LRP1B: variants seen among roughly 807,000 people sequenced by gnomAD.
The protein encoded by LRP1B is low-density lipoprotein receptor-related protein 1B.
In LRP1B, 217 loss-of-function variants were observed where a neutral mutation model predicts 556.6. The ratio of observed to expected loss-of-function variants is 0.39; its 90% confidence interval spans 0.35 to 0.44. The LOEUF is 0.44. LRP1B is among the 20% of genes least tolerant of loss of function. LRP1B has a pLI of 1.00. For missense variants in LRP1B, 5,053 were observed against 5,620.8 expected, an observed-to-expected ratio of 0.90 and a Z score of 3.23; for synonymous variants, 2,047 against 1,865.8, an observed-to-expected ratio of 1.10 and a Z score of -2.50.
At chr2:141,233,137 G>C (rs980593814) in intron 5 of LRP1B, among the ~76,000 whole-genome samples, 37 of 152,152 alleles carry the variant, frequency 2.4e-4, no homozygotes, top group African/African-American at 8.7e-4. Context: ...AAGAACACTT[G>C]AAAAGCACAT....
At chr2:141,841,846 G>C (rs1697487484) in intron 1 of LRP1B, among the ~76,000 whole-genome samples, 1 of 152,082 alleles carries the variant, frequency 6.6e-6, no homozygotes, top group East Asian at 1.9e-4. Flanking sequence ...ACTGTGTTAA[G>C]ATAAAAAGCC....
At chr2:140,743,139 A>G (rs1205797218) in intron 35 of LRP1B, among the ~76,000 whole-genome samples, 2 of 152,222 alleles carry the variant, frequency 1.3e-5, no homozygotes, top group African/African-American at 2.4e-5. Context: ...TAAACTAATG[A>G]ACAAATTCCT....
chr2:141,722,799 G>A (rs188887319), intron 2 of LRP1B, among the ~76,000 whole-genome samples: 53 of 151,774 alleles, frequency 3.5e-4, no homozygotes, highest in Non-Finnish European at 6.9e-4. Context: ...ACCTGTACAG[G>A]AATATGGTTC....
chr2:140,528,141 G>A (rs147758580), intron 47 of LRP1B, among the ~76,000 whole-genome samples: 27 of 151,996 alleles, frequency 1.8e-4, no homozygotes, highest in African/African-American at 6.3e-4. Flanking sequence ...GGAGGCAAAT[G>A]TAGGGAATGG....
chr2:140,391,867 A>ATTCAT (rs1684037388), intron 66 of LRP1B, among the ~76,000 whole-genome samples: 1 of 152,182 alleles, frequency 6.6e-6, no homozygotes, highest in Non-Finnish European at 1.5e-5. Flanking sequence ...AAACAGAATT[A>ATTCAT]TTCTATTATT....
rs769915903 is a variant in LRP1B at position 140,335,753 on chromosome 2, C to A, written c.11978G>T (p.Trp3993Leu). Reference protein sequence around the residue: ...IYWTDHSRMHWFSYYTTHWTS... With the variant: ...IYWTDHSRMHLFSYYTTHWTS... ...CCAGTGAGTAGTGTAGTAACTGAAC[C>A]AATGCATTCTAGAATGATCAGTCCA... is the stretch of plus-strand genomic sequence containing the variant. The change falls in exon 78 of 91, where the codon TGG becomes TTG. Residue 3993 changes from tryptophan (W) to leucine (L), a missense_variant. Physicochemically the swap from Trp to Leu is moderately conservative, Grantham distance 61. This residue lies in a region of LRP1B where 599 missense variants were observed against 648.4 expected (regional missense o/e 0.92). Transcript: ENST00000389484. 1 of 1,612,778 alleles carries A rather than the reference C, an allele frequency of 6.2e-7. No individual in the cohort carries two copies. The highest frequency in any genetic ancestry group is 1.1e-5 in the South Asian group (1 of 91,056).
intron 2 of LRP1B, among the ~76,000 whole-genome samples, chr2:141,718,501 T>TA (rs1464662146): frequency 6.6e-6 from 1 of 152,150 alleles, no homozygotes; most frequent in East Asian, 1.9e-4. Flanking sequence ...CTGTAATATT[T>TA]AAAAAACAAG....
chr2:140,442,461 A>T (rs375338826), intron 66 of LRP1B, 43 bp downstream of exon 66: 260 of 1,578,966 alleles, frequency 1.6e-4, no homozygotes, highest in Non-Finnish European at 2.0e-4. Context: ...GCAGATGATG[A>T]CTCAAATACG....
At chr2:141,297,047 T>A (rs1573769658) in intron 3 of LRP1B, among the ~76,000 whole-genome samples, 2 of 152,334 alleles carry the variant, frequency 1.3e-5, no homozygotes, top group African/African-American at 4.8e-5. Flanking sequence ...TCATTCTTAT[T>A]TATGGCTGTG....
intron 41 of LRP1B, chr2:140,683,755 G>T: frequency 2.1e-6 from 2 of 963,698 alleles, no homozygotes; most frequent in Non-Finnish European, 3.3e-6. Context: ...AGCCTTCTCA[G>T]TCTCTCTCTC....
chr2:140,691,056 C>A (rs1436877088), intron 41 of LRP1B, among the ~76,000 whole-genome samples: 3 of 151,972 alleles, frequency 2.0e-5, no homozygotes, highest in African/African-American at 7.3e-5. Flanking sequence ...ATTTTTTAGC[C>A]TTTTTAAGAC....
At chr2:141,840,151 G>A (rs542615015) in intron 1 of LRP1B, among the ~76,000 whole-genome samples, 1 of 148,542 alleles carries the variant, frequency 6.7e-6, no homozygotes, top group East Asian at 2.0e-4. Flanking sequence ...AGGTAGATTT[G>A]AAAACTGAAA....
intron 79 of LRP1B, 32 bp from the exon 80 acceptor site, chr2:140,325,910 G>T: frequency 7.8e-7 from 1 of 1,289,828 alleles, no homozygotes; most frequent in Non-Finnish European, 1.1e-6. Flanking sequence ...GACAAATAGT[G>T]CAAGTAAATT....
chr2:141,558,387 T>A (rs762855999), intron 2 of LRP1B, among the ~76,000 whole-genome samples: 1 of 151,684 alleles, frequency 6.6e-6, no homozygotes, highest in Non-Finnish European at 1.5e-5. Context: ...TTAAAAGAGA[T>A]CAGCTACACA....
chr2:140,837,353 T>A (rs1007401053), intron 31 of LRP1B, among the ~76,000 whole-genome samples: 1 of 152,204 alleles, frequency 6.6e-6, no homozygotes, highest in Admixed American at 6.5e-5. Context: ...GTCAAATTTT[T>A]ATCAACAGGC....
At chr2:140,339,757 A>T (rs939065720) in intron 77 of LRP1B, among the ~76,000 whole-genome samples, 1 of 151,674 alleles carries the variant, frequency 6.6e-6, no homozygotes, top group Non-Finnish European at 1.5e-5. Context: ...TATTTCATAT[A>T]TCAATCAAGG....
At chr2:140,743,787 G>A (rs750453664) in intron 35 of LRP1B, among the ~76,000 whole-genome samples, 1 of 151,424 alleles carries the variant, frequency 6.6e-6, no homozygotes, top group Non-Finnish European at 1.5e-5. Context: ...GTGAAACCCT[G>A]TCTCTACTAA....
At chr2:140,735,087 T>G (rs34492262) in intron 35 of LRP1B, among the ~76,000 whole-genome samples, 23,454 of 152,110 alleles carry the variant, frequency 0.15, 1,894 homozygotes, top group South Asian at 0.2. Flanking sequence ...AGACAGAGTT[T>G]TAGGTTTGGC....
At chr2:140,736,539 A>G (rs1687951932) in intron 35 of LRP1B, among the ~76,000 whole-genome samples, 1 of 152,154 alleles carries the variant, frequency 6.6e-6, no homozygotes, top group African/African-American at 2.4e-5. Context: ...GATATAGACC[A>G]ATGGAATAGA....
Sources: allele counts gnomAD v4.1 joint callset (sites outside exome capture counted in the v4.1 genomes callset), GRCh38; gene constraint gnomAD v4.1.1; regional missense constraint gnomAD v4.1.1; transcripts MANE v1.5; gene names NCBI Gene and HGNC (gene_info 2026-07-23, HGNC 2026-07-21).